The following PLEKHG1 variants were observed in gnomAD, a reference collection of about 807,000 sequenced individuals.
The protein encoded by PLEKHG1 is pleckstrin homology and RhoGEF domain containing G1, also known as pleckstrin homology domain-containing family G member 1.
A neutral mutation model predicts 100.8 loss-of-function variants in PLEKHG1; 44 were observed. That is an observed-to-expected ratio of 0.44 (90% confidence interval 0.34 to 0.56). The LOEUF (loss-of-function observed/expected upper bound fraction) is 0.56, where lower values mean the gene tolerates loss of function less well. Among genes scored for constraint, PLEKHG1 ranks in the 20% least tolerant of loss-of-function variants. The pLI, the probability that PLEKHG1 is intolerant of heterozygous loss-of-function variation, is 0.01. For synonymous variants in PLEKHG1, 640 were observed against 662.5 expected (o/e 0.97, Z 0.52); for missense variants, 1,545 against 1,720.9 (o/e 0.90, Z 1.81).
chr6:150,756,744 G>A (rs1216302980), intron 2 of PLEKHG1, among the ~76,000 whole-genome samples: 1 of 152,044 alleles, frequency 6.6e-6, no homozygotes, highest in African/African-American at 2.4e-5. Flanking sequence ...TTGATTGAGG[G>A]TTACAGTTTC....
At chr6:150,647,588 A>G (rs1778556074) in intron 2 of PLEKHG1, among the ~76,000 whole-genome samples, 1 of 152,192 alleles carries the variant, frequency 6.6e-6, no homozygotes, top group African/African-American at 2.4e-5. Flanking sequence ...AAGCAATAAA[A>G]TATGACCTGT....
chr6:150,614,584 CAG>C (rs1277625536), intron 1 of PLEKHG1, among the ~76,000 whole-genome samples: 1 of 152,124 alleles, frequency 6.6e-6, no homozygotes, highest in Non-Finnish European at 1.5e-5. Context: ...AGGCCCCTGA[CAG>C]TTGATTGGGT....
Position 150,831,452 on chromosome 6 carries a change from C to G in PLEKHG1, c.2341C>G (p.Leu781Val). The G allele has an allele frequency of 6.2e-7, 1 of 1,614,184 alleles. No individual in the cohort carries two copies. The highest frequency in any genetic ancestry group is 8.5e-7 in the Non-Finnish European group (1 of 1,180,040). ...GGCCGACTTCGTGTGCTGTGACAGC[C>G]TGAGGCCATTTGTTTCCCAAGACAG... The change falls in exon 15 of 16, where the codon CTG (leucine) becomes GTG (valine). Residue 781 changes from leucine to valine, a missense_variant. Physicochemically the swap from Leu to Val is conservative, Grantham distance 32. Transcript: ENST00000358517. The surrounding 1 kb of genome is among the most constrained non-coding windows in gnomAD (Gnocchi z 4.1).
At chr6:150,799,032 T>C in intron 5 of PLEKHG1, among the ~76,000 whole-genome samples, 1 of 151,852 alleles carries the variant, frequency 6.6e-6, no homozygotes, top group Non-Finnish European at 1.5e-5. Flanking sequence ...TGAGCCACTG[T>C]GCCTGGTGAG....
At chr6:150,730,918 C>T (rs5025711) in intron 1 of PLEKHG1, among the ~76,000 whole-genome samples, 136,949 of 151,456 alleles carry the variant, frequency 0.9, 62,091 homozygotes, top group Non-Finnish European at 0.93. Flanking sequence ...AAAAAAAGAA[C>T]ATATTCAACT....
intron 3 of PLEKHG1, among the ~76,000 whole-genome samples, chr6:150,779,892 G>C (rs1181856400): frequency 1.3e-5 from 2 of 149,904 alleles, no homozygotes; most frequent in Non-Finnish European, 3.0e-5. Context: ...GAACCCAGAA[G>C]GTGGAGGTTG....
In PLEKHG1 at chr6:150,600,835, A is replaced by C. The variant is rs1277826199; in HGVS notation, c.-204+818A>C. 1 of 152,204 alleles carries C rather than the reference A, an allele frequency of 6.6e-6. No individual in the cohort carries two copies. The highest frequency in any genetic ancestry group is 2.4e-5 in the African/African-American group (1 of 41,446). 9.4% of individuals were successfully genotyped at this position (152,204 alleles called of 1,614,324 possible). A position where few individuals can be genotyped will look rare whatever the true frequency, so the allele number is the denominator to read the frequency against. ...CTGGTCAATTCATTCCGCTCCTCGGAAACAATGAGCTGGATCCTTGACTTG... is the reference window on the plus strand; with the variant it reads ...CTGGTCAATTCATTCCGCTCCTCGGCAACAATGAGCTGGATCCTTGACTTG... On this transcript the variant is annotated intron_variant, in intron 1 of 3. Transcript: ENST00000367326. The surrounding 1 kb of genome is among the most constrained non-coding windows in gnomAD (Gnocchi z 6.2).
rs115441374 is a variant in PLEKHG1, at chr6:150,612,772, A to G, written c.-204+12755A>G. Among the ~76,000 whole-genome samples, 744 of 152,294 alleles carry G rather than the reference A, an allele frequency of 4.9e-3. 4 individuals are homozygous for G. The highest frequency in any genetic ancestry group is 0.016 in the African/African-American group (669 of 41,564). On this transcript the variant is annotated intron_variant, in intron 1 of 3. Transcript: ENST00000367326. ...CTCATACCTCAGGTCCAATCCATAG[A>G]AAACCTCATAGGCTTTACCTCCAGC...
At chr6:150,735,980 G>A (rs1213470323) in intron 2 of PLEKHG1, among the ~76,000 whole-genome samples, 2 of 152,190 alleles carry the variant, frequency 1.3e-5, no homozygotes, top group Admixed American at 1.3e-4. Flanking sequence ...AGCTGTCCAC[G>A]TGTTCTTGCC....
intron 2 of PLEKHG1, among the ~76,000 whole-genome samples, chr6:150,639,637 C>A (rs1247188070): frequency 6.6e-6 from 1 of 151,968 alleles, no homozygotes; most frequent in Non-Finnish European, 1.5e-5. Context: ...TGACCAAGAG[C>A]TTCCTGGGCT....
chr6:150,623,883 C>G (rs929072289), intron 1 of PLEKHG1, among the ~76,000 whole-genome samples: 1 of 152,166 alleles, frequency 6.6e-6, no homozygotes, highest in Non-Finnish European at 1.5e-5. Flanking sequence ...CTAAAAACAC[C>G]TACTCAAGGA....
chr6:150,760,286 G>A (rs922950062), intron 2 of PLEKHG1, among the ~76,000 whole-genome samples: 5 of 152,134 alleles, frequency 3.3e-5, no homozygotes, highest in East Asian at 1.9e-4. Context: ...AAGGATTATA[G>A]CCACATTTAA....
intron 11 of PLEKHG1, among the ~76,000 whole-genome samples, chr6:150,818,437 C>A (rs952570999): frequency 2.6e-5 from 4 of 152,338 alleles, no homozygotes; most frequent in Admixed American, 1.3e-4. Context: ...TGGCTGGCCA[C>A]TGTTGGGGTT....
At chr6:150,652,533 C>T (rs1248465734) in intron 3 of PLEKHG1, among the ~76,000 whole-genome samples, 1 of 151,738 alleles carries the variant, frequency 6.6e-6, no homozygotes, top group Non-Finnish European at 1.5e-5. Context: ...CCAGCCTGGC[C>T]AACATAGTGA....
At chr6:150,713,068 A>T (rs946023275) in intron 3 of PLEKHG1, among the ~76,000 whole-genome samples, 2 of 152,204 alleles carry the variant, frequency 1.3e-5, no homozygotes, top group African/African-American at 4.8e-5. Context: ...TGCGCCCAGC[A>T]TGGGGCCTGA....
intron 3 of PLEKHG1, among the ~76,000 whole-genome samples, chr6:150,671,807 G>A (rs1233736347): frequency 6.6e-6 from 1 of 152,240 alleles, no homozygotes. Context: ...TGGAAAACCA[G>A]TGAGGCTGGA....
At chr6:150,783,506 A>G (rs948636420) in intron 3 of PLEKHG1, among the ~76,000 whole-genome samples, 2 of 151,940 alleles carry the variant, frequency 1.3e-5, no homozygotes, top group East Asian at 3.9e-4. Flanking sequence ...AGTAGCTGGG[A>G]CTGCAGGTGT....
chr6:150,671,346 T>C (rs182260238), intron 3 of PLEKHG1, among the ~76,000 whole-genome samples: 61 of 152,310 alleles, frequency 4.0e-4, no homozygotes, highest in African/African-American at 1.4e-3. Context: ...CTAGTTTATA[T>C]TCCCACCAGC....
At chr6:150,755,132 C>A (rs115799567) in intron 2 of PLEKHG1, among the ~76,000 whole-genome samples, 1 of 152,094 alleles carries the variant, frequency 6.6e-6, no homozygotes, top group South Asian at 2.1e-4. Flanking sequence ...CATGGCACCA[C>A]GCCTGGCTAG....
Sources: allele counts gnomAD v4.1 joint callset (sites outside exome capture counted in the v4.1 genomes callset), GRCh38; gene constraint gnomAD v4.1.1; non-coding constraint Gnocchi (gnomAD v3.1); transcripts MANE v1.5; gene names NCBI Gene and HGNC (gene_info 2026-07-23, HGNC 2026-07-21).